The following WNT7B variants were observed in gnomAD, a reference collection of about 807,000 sequenced individuals.
WNT7B encodes the protein Wnt family member 7B.
In WNT7B, 19 loss-of-function variants were observed where a neutral mutation model predicts 38.2. The ratio of observed to expected loss-of-function variants is 0.50; its 90% CI spans 0.35 to 0.73. The LOEUF is 0.73. Among genes scored for constraint, WNT7B ranks in the 30% least tolerant of loss-of-function variants. The pLI is 0.01. For synonymous variants in WNT7B, 243 were observed against 209.3 expected, an observed-to-expected ratio of 1.16 and a Z score of -1.39; for missense variants, 423 against 507.9, an observed-to-expected ratio of 0.83 and a Z score of 1.61.
chr22:45,949,150 C>T lies in WNT7B; in HGVS notation c.298+770G>A, dbSNP rs188661616. Among the ~76,000 whole-genome samples the T allele has an allele frequency of 7.2e-5, 11 of 152,212 alleles. No individual in the cohort carries two copies. In the East Asian group the frequency reaches 1.9e-3, roughly 27 times the overall value. On this transcript the variant is annotated intron_variant, in intron 2 of 3. Transcript: ENST00000339464. The stretch of plus-strand genomic sequence containing the variant: ...CCGGCCCAAAAGTCACTTTTTAAAG[C>T]CCCTCTCTGGGCTCAGTCTCCTTGT...
chr22:45,959,798 C>A (rs1220509439), intron 1 of WNT7B, among the ~76,000 whole-genome samples: 4 of 152,140 alleles, frequency 2.6e-5, no homozygotes, highest in Non-Finnish European at 5.9e-5. Flanking sequence ...GGAAGTAGCC[C>A]CCTACCCCGC....
At position 45,922,864 on chromosome 22, in the gene WNT7B, A is replaced by G; in HGVS notation, c.1042T>C (p.Cys348Arg). 6.3e-7 allele frequency: 1 copy of G among 1,594,338 alleles called. No homozygotes were observed. The highest frequency in any genetic ancestry group is 8.6e-7 in the Non-Finnish European group (1 of 1,165,144). The change falls in exon 4 of 4, where the codon TGC becomes CGC. Residue 348 changes from cysteine to arginine, a missense_variant. Transcript: ENST00000339464. ...CGCCTCCGGGCCTGGCCTCACTTGC[A>G]GGTGAAGACCTCGGTGCGCTCGCTG... is the stretch of plus-strand genomic sequence containing the variant. ...TCSERTEVFT[C>R]K
chr22:45,969,482 T>A (rs1337745084), intron 1 of WNT7B, among the ~76,000 whole-genome samples: 1 of 152,212 alleles, frequency 6.6e-6, no homozygotes, highest in African/African-American at 2.4e-5. Flanking sequence ...GTCCCCTACC[T>A]GCCCTCCCTT....
intron 1 of WNT7B, among the ~76,000 whole-genome samples, chr22:45,970,833 C>T (rs753128382): frequency 1.3e-5 from 2 of 152,216 alleles, no homozygotes; most frequent in African/African-American, 2.4e-5. Flanking sequence ...CAGCCTGGGT[C>T]CCCACTGCTC....
intron 1 of WNT7B, chr22:45,954,855 C>T (rs1031551370): frequency 1.1e-5 from 8 of 750,718 alleles, no homozygotes; most frequent in African/African-American, 9.5e-5. Flanking sequence ...ATTTAATCCT[C>T]ACCTTGCTAG....
In WNT7B at chr22:45,975,554, G is replaced by A. The variant is rs1360487153; in HGVS notation, c.71+1130C>T. 1 of 717,100 alleles carries A rather than the reference G, an allele frequency of 1.4e-6. No homozygotes were observed. The highest frequency in any genetic ancestry group is 2.7e-5 in the East Asian group (1 of 37,280). 44.4% of individuals were successfully genotyped at this position (717,100 alleles called of 1,614,324 possible). On this transcript the variant is annotated intron_variant, in intron 1 of 3. Coordinates refer to ENST00000339464, the MANE Select transcript of WNT7B (RefSeq NM_058238.3). This position sits in a 1 kb window ranked among gnomAD's most constrained non-coding sequence, Gnocchi z 6.6. ...GCCTCAGTTTCTCCACCTGTAAAAT[G>A]GCGGGGCAGACATGGGATGGAGGGT...
intron 1 of WNT7B, among the ~76,000 whole-genome samples, chr22:45,972,931 G>T (rs1214921600): frequency 6.6e-6 from 1 of 152,382 alleles, no homozygotes; most frequent in African/African-American, 2.4e-5. Flanking sequence ...GTGCACAGAT[G>T]CATTGAGTGT....
rs967693737 is a variant in WNT7B at position 45,959,532 on chromosome 22, C to T, written c.72-9386G>A. 2.0e-5 allele frequency among the ~76,000 whole-genome samples: 3 copies of T among 152,114 alleles called. No individual in the cohort carries two copies. In the East Asian group the frequency reaches 5.8e-4, roughly 29 times the overall value. ...GGCTGTGCTATGACAAAGATGTGGG[C>T]TCGTGTCCCGAGGAGGCCTGGGAGC... On this transcript the variant is annotated intron_variant, in intron 1 of 3. Coordinates refer to ENST00000339464, the MANE Select transcript of WNT7B (RefSeq NM_058238.3).
intron 2 of WNT7B, among the ~76,000 whole-genome samples, chr22:45,942,113 C>T (rs1931664228): frequency 6.6e-6 from 1 of 152,172 alleles, no homozygotes; most frequent in Non-Finnish European, 1.5e-5. Flanking sequence ...GTCCCCGCCT[C>T]CCCAGTTTAC....
intron 1 of WNT7B, chr22:45,972,250 T>C (rs62226057): frequency 0.7 from 441,642 of 633,628 alleles, 156,352 homozygotes; most frequent in African/African-American, 0.93. Context: ...TGGGCCGGCG[T>C]GCCTGGCGGG....
intron 2 of WNT7B, among the ~76,000 whole-genome samples, chr22:45,933,559 GGGGGTA>G (rs1278586360): frequency 2.0e-5 from 3 of 152,136 alleles, no homozygotes; most frequent in East Asian, 1.9e-4. Context: ...GAAATCTCAT[GGGGGTA>G]GGGGGAGGGG....
chr22:45,950,169 G>C (rs531143513), intron 1 of WNT7B, 23 bp from the exon 2 acceptor site: 1 of 1,598,312 alleles, frequency 6.3e-7, no homozygotes, highest in African/African-American at 1.3e-5. Context: ...GGAGACAGAG[G>C]CCGTGAGACG....
chr22:45,930,044 CTGGTG>C (rs1931285870), intron 3 of WNT7B, among the ~76,000 whole-genome samples: 2 of 149,102 alleles, frequency 1.3e-5, no homozygotes, highest in African/African-American at 5.1e-5. Flanking sequence ...AACCCCTGGC[CTGGTG>C]TTCAAGATCT....
At position 45,966,897 on chromosome 22, in the gene WNT7B, C is replaced by A. The variant is rs895621908; in HGVS notation, c.71+9787G>T. On this transcript the variant is annotated intron_variant, in intron 1 of 3. Transcript: ENST00000339464. The surrounding 1 kb of genome is among the most constrained non-coding windows in gnomAD (Gnocchi z 4.2). ...GCTGCTTCTCTGCCCAGGCAGGGAC[C>A]CTCCCCAGCATCCCCGGCCCTCACT... Among the ~76,000 whole-genome samples the A allele has an allele frequency of 1.3e-5, 2 of 152,164 alleles. No homozygotes were observed. Among genetic ancestry groups the A allele is most frequent in the Non-Finnish European group, 2.9e-5 (2 of 68,034 alleles).
At chr22:45,971,193 C>T (rs2146754945) in intron 1 of WNT7B, among the ~76,000 whole-genome samples, 1 of 151,156 alleles carries the variant, frequency 6.6e-6, no homozygotes, top group East Asian at 2.0e-4. Flanking sequence ...AGCGGCTGCC[C>T]CCTCTGGCCG....
chr22:45,948,903 G>A lies in WNT7B; in HGVS notation c.298+1017C>T, dbSNP rs185619602. 2.7e-3 allele frequency among the ~76,000 whole-genome samples: 380 copies of A among 138,790 alleles called. 1 individual carries two copies. The highest frequency in any genetic ancestry group is 7.6e-3 in the South Asian group (32 of 4,236). The allele number at this position is 138,790 out of a possible 152,430, so 91.1% of individuals were successfully genotyped here. A position where few individuals can be genotyped will look rare whatever the true frequency, so the allele number is the denominator to read the frequency against. On this transcript the variant is annotated intron_variant, in intron 2 of 3. Transcript: ENST00000339464. ...TCTTTTACGCAGACTGGAGTACAATGGTGCCATCTCGGCTCACTGCAACCT... is the reference window on the plus strand; with the variant it reads ...TCTTTTACGCAGACTGGAGTACAATAGTGCCATCTCGGCTCACTGCAACCT...
intron 3 of WNT7B, chr22:45,927,074 C>A: frequency 1.0e-6 from 1 of 985,452 alleles, no homozygotes; most frequent in Non-Finnish European, 1.2e-6. Flanking sequence ...GGACAACAGC[C>A]CCCAGGCCTC....
chr22:45,929,969 C>T (rs1002752587), intron 3 of WNT7B, among the ~76,000 whole-genome samples: 3 of 151,626 alleles, frequency 2.0e-5, no homozygotes, highest in Non-Finnish European at 4.4e-5. Flanking sequence ...TACATCTATC[C>T]ATCCATCCAA....
intron 3 of WNT7B, among the ~76,000 whole-genome samples, chr22:45,923,655 C>T (rs773966100): frequency 1.3e-5 from 2 of 152,202 alleles, no homozygotes; most frequent in African/African-American, 2.4e-5. Flanking sequence ...CCTGGTCATG[C>T]ACTGGTGAGG....
Sources: gnomAD v4.1 joint callset for allele counts (sites outside exome capture counted in the v4.1 genomes callset) on GRCh38, gnomAD v4.1.1 for gene constraint, Gnocchi (gnomAD v3.1) non-coding constraint, MANE v1.5 for transcripts, NCBI Gene and HGNC (gene_info 2026-07-23, HGNC 2026-07-21) for gene names.